The following NR5A2 variants were observed in gnomAD, a reference collection of about 807,000 sequenced individuals.
NR5A2 encodes CYP7A promoter-binding factor.
In NR5A2, 26 loss-of-function variants were observed where a neutral mutation model predicts 62.7. The observed-to-expected ratio is 0.41, with a 90% CI of 0.30 to 0.58. The LOEUF (loss-of-function observed/expected upper bound fraction) is 0.58, where lower values mean the gene tolerates loss of function less well. NR5A2 is among the 20% of genes least tolerant of loss of function. The probability of loss-of-function intolerance (pLI) is 0.22; values close to 1 mark genes in which losing one functional copy is unlikely to be tolerated. For missense variants in NR5A2, 541 were observed against 669.1 expected, an observed-to-expected ratio of 0.81 and a Z score of 2.11; for synonymous variants, 246 against 241.7, an observed-to-expected ratio of 1.02 and a Z score of -0.16.
chr1:200,093,056 G>A (rs1327542001), intron 5 of NR5A2, among the ~76,000 whole-genome samples: 3 of 151,582 alleles, frequency 2.0e-5, no homozygotes, highest in Non-Finnish European at 4.4e-5. Flanking sequence ...GCTAATTTTT[G>A]TATTTTGTAT....
chr1:200,159,643 A>T (rs1424206212), intron 7 of NR5A2, among the ~76,000 whole-genome samples: 3 of 136,142 alleles, frequency 2.2e-5, no homozygotes, highest in Non-Finnish European at 4.5e-5. Flanking sequence ...TAAATTATTT[A>T]TTATTATTAT....
intron 5 of NR5A2, among the ~76,000 whole-genome samples, chr1:200,051,816 T>A (rs1208932732): frequency 6.6e-6 from 1 of 152,208 alleles, no homozygotes; most frequent in Non-Finnish European, 1.5e-5. Flanking sequence ...GAAGCCAGGA[T>A]TGAGACATCT....
At chr1:200,169,118 A>T (rs931879011) in intron 7 of NR5A2, among the ~76,000 whole-genome samples, 1 of 152,134 alleles carries the variant, frequency 6.6e-6, no homozygotes, top group Non-Finnish European at 1.5e-5. Context: ...CTGAGGCCAG[A>T]GGATCGCTCA....
intron 7 of NR5A2, among the ~76,000 whole-genome samples, chr1:200,126,291 G>A (rs1342701262): frequency 2.0e-5 from 3 of 152,180 alleles, no homozygotes; most frequent in Non-Finnish European, 4.4e-5. Context: ...GGGCTCTATG[G>A]TTGTTCTGGT....
At chr1:200,037,898 G>A (rs1661852922) in intron 1 of NR5A2, among the ~76,000 whole-genome samples, 1 of 152,156 alleles carries the variant, frequency 6.6e-6, no homozygotes, top group Admixed American at 6.5e-5. Context: ...TGCAAAGATT[G>A]GAATAATTTC....
chr1:200,115,432 T>G (rs920456206), intron 6 of NR5A2, among the ~76,000 whole-genome samples: 1 of 152,176 alleles, frequency 6.6e-6, no homozygotes, highest in Non-Finnish European at 1.5e-5. Flanking sequence ...GGCCATGTTG[T>G]TGATATCATG....
intron 2 of NR5A2, chr1:200,042,939 GTTTAAC>G (rs1386774469): frequency 7.1e-6 from 7 of 985,470 alleles, no homozygotes; most frequent in South Asian, 4.7e-5. Flanking sequence ...CCTGATTTCT[GTTTAAC>G]TTTAATAGGG....
At chr1:200,085,093 G>A (rs370005066) in intron 5 of NR5A2, among the ~76,000 whole-genome samples, 22 of 152,268 alleles carry the variant, frequency 1.4e-4, no homozygotes, top group African/African-American at 3.8e-4. Flanking sequence ...TAATGCTTCC[G>A]TCTAGTGGAG....
chr1:200,154,601 C>A (rs908101481), intron 7 of NR5A2, among the ~76,000 whole-genome samples: 1 of 152,140 alleles, frequency 6.6e-6, no homozygotes, highest in Non-Finnish European at 1.5e-5. Context: ...TGCCTGTAGC[C>A]CCAGCTACTG....
chr1:200,036,628 A>G (rs1661789964), intron 1 of NR5A2, among the ~76,000 whole-genome samples: 1 of 152,174 alleles, frequency 6.6e-6, no homozygotes. Flanking sequence ...CCAGTGGAAG[A>G]TTCCTTGCCT....
chr1:200,030,309 G>A (rs1157909771), intron 1 of NR5A2, among the ~76,000 whole-genome samples: 1 of 152,152 alleles, frequency 6.6e-6, no homozygotes, highest in Non-Finnish European at 1.5e-5. Flanking sequence ...TGTCTCCATG[G>A]TTTTTAACTA....
At chr1:200,038,706 G>A (rs1288212902) in intron 1 of NR5A2, 1 of 1,366,194 alleles carries the variant, frequency 7.3e-7, no homozygotes, top group Non-Finnish European at 9.8e-7. Context: ...CTCAGATCGA[G>A]GAAATTGCCG....
At chr1:200,067,905 T>G (rs1663568840) in intron 5 of NR5A2, among the ~76,000 whole-genome samples, 1 of 152,202 alleles carries the variant, frequency 6.6e-6, no homozygotes, top group Non-Finnish European at 1.5e-5. Flanking sequence ...AAGTTCCTGA[T>G]TCTGAGGTTG....
At chr1:200,171,241 A>G (rs1186645286) in intron 7 of NR5A2, among the ~76,000 whole-genome samples, 1 of 152,222 alleles carries the variant, frequency 6.6e-6, no homozygotes, top group Non-Finnish European at 1.5e-5. Context: ...AATTAGCAGC[A>G]TATGTTTTAT....
At chr1:200,124,662 G>A (rs949154596) in intron 7 of NR5A2, among the ~76,000 whole-genome samples, 3 of 152,146 alleles carry the variant, frequency 2.0e-5, no homozygotes, top group African/African-American at 7.2e-5. Flanking sequence ...AAATGGGCCA[G>A]GTATGGTGGC....
At chr1:200,096,160 T>G (rs1264190422) in intron 5 of NR5A2, among the ~76,000 whole-genome samples, 1 of 152,146 alleles carries the variant, frequency 6.6e-6, no homozygotes, top group African/African-American at 2.4e-5. Flanking sequence ...CTATCTTAGC[T>G]CATGGCAACC....
intron 5 of NR5A2, among the ~76,000 whole-genome samples, chr1:200,087,016 G>T (rs1343142452): frequency 1.3e-5 from 2 of 152,264 alleles, no homozygotes; most frequent in Admixed American, 1.3e-4. Flanking sequence ...TCCAGCCTGG[G>T]ATATAGAATG....
In NR5A2 at chr1:200,160,095, G is replaced by C. The variant is rs190272585; in HGVS notation, c.1379-13868G>C. ...GCTACCCTCTAAGACCTAGGGGATA[G>C]AAAACAATGGGCTCTAGCCTGCCTT... On this transcript the variant is annotated intron_variant, in intron 7 of 7. Coordinates refer to ENST00000367362, the MANE Select transcript of NR5A2 (RefSeq NM_205860.3). 5.0e-3 allele frequency among the ~76,000 whole-genome samples: 767 copies of C among 152,344 alleles called. 4 individuals carry two copies. Among genetic ancestry groups the C allele is most frequent in the African/African-American group, 0.018 (730 of 41,574 alleles).
chr1:200,106,867 C>A (rs1478349257), intron 5 of NR5A2, among the ~76,000 whole-genome samples: 1 of 152,088 alleles, frequency 6.6e-6, no homozygotes, highest in Non-Finnish European at 1.5e-5. Context: ...CATAGAGCTG[C>A]GTAAAAACTA....
Sources: gnomAD v4.1 joint callset for allele counts (sites outside exome capture counted in the v4.1 genomes callset) on GRCh38, gnomAD v4.1.1 for gene constraint, MANE v1.5 for transcripts, NCBI Gene and HGNC (gene_info 2026-07-23, HGNC 2026-07-21) for gene names.